Variants in TRIM38 observed in about 807,000 individuals in gnomAD.
The protein encoded by TRIM38 is E3 ubiquitin-protein ligase TRIM38.
Under a neutral mutation model 35.8 loss-of-function variants are expected in TRIM38, and 35 were observed. The observed-to-expected ratio is 0.98, with a 90% CI of 0.75 to 1.30. TRIM38 has a LOEUF of 1.30. Ranked by LOEUF, TRIM38 falls within the 50% of genes most tolerant of loss-of-function variation. TRIM38 has a pLI of 0.00. For missense variants in TRIM38, 545 were observed against 556.9 expected, an observed-to-expected ratio of 0.98 and a Z score of 0.21; for synonymous variants, 198 against 204.7, an observed-to-expected ratio of 0.97 and a Z score of 0.28.
chr6:25,975,082 G>A, intron 7 of TRIM38: 3 of 933,464 alleles, frequency 3.2e-6, no homozygotes, highest in Non-Finnish European at 3.8e-6. Context: ...GCCCAGGCTG[G>A]AGTGCAGTGG....
chr6:25,984,438 G>A lies in TRIM38; in HGVS notation c.*751G>A, dbSNP rs1399369531. Reference sequence around the variant, plus strand: ...GCAGTTCTTATTATGATTCAGAGAAGAGCAAATAGACCTTAACTTCATTTT... The same window carrying A: ...GCAGTTCTTATTATGATTCAGAGAAAAGCAAATAGACCTTAACTTCATTTT... On this transcript the variant is annotated 3_prime_UTR_variant, in exon 8 of 8. Coordinates refer to ENST00000357085, the MANE Select transcript of TRIM38 (RefSeq NM_006355.5). 1 of 152,440 alleles carries A rather than the reference G, an allele frequency of 6.6e-6. No homozygotes were observed. The highest frequency in any genetic ancestry group is 1.9e-4 in the East Asian group (1 of 5,330). The allele number at this position is 152,440 out of a possible 1,614,324, so 9.4% of individuals were successfully genotyped here.
intron 4 of TRIM38, among the ~76,000 whole-genome samples, chr6:25,970,143 C>T (rs1296495079): frequency 6.6e-6 from 1 of 151,980 alleles, no homozygotes; most frequent in South Asian, 2.1e-4. Context: ...GTCTTGATCT[C>T]CTGACCTCGT....
chr6:25,963,926 C>CAACAACAACA (rs550059039), intron 2 of TRIM38, among the ~76,000 whole-genome samples: 1,952 of 152,018 alleles, frequency 0.013, 86 homozygotes, highest in East Asian at 0.039. Context: ...ACAACAACAA[C>CAACAACAACA]AAAAACACAA....
At chr6:25,973,391 T>G in intron 7 of TRIM38, 106 bp downstream of exon 7, 1 of 1,492,084 alleles carries the variant, frequency 6.7e-7, no homozygotes, top group Middle Eastern at 2.5e-4. Context: ...AGAGGTTGTT[T>G]AGTTAATTTC....
rs1760758229 is a variant in TRIM38, at chr6:25,987,972, G to A, written c.*4285G>A. ...ACTCCGGAGGCAGGGACTTTACTCC[G>A]GACCAGATTGAAGACTAGCCGAAAC... On this transcript the variant is annotated 3_prime_UTR_variant, in exon 8 of 8. Transcript: ENST00000357085. The A allele has an allele frequency of 6.6e-6, 1 of 152,104 alleles. No individual in the cohort carries two copies. The highest frequency in any genetic ancestry group is 6.5e-5 in the Admixed American group (1 of 15,270). The allele number at this position is 152,104 out of a possible 1,614,324, so 9.4% of individuals were successfully genotyped here.
Position 25,983,600 on chromosome 6 carries a change from C to T in TRIM38, c.1311C>T (p.Phe437=). ...ATACTGGCTGCCACATCTTTACTTT[C>T]CCGAAGGCTTCCTTCTCTGATACTC... ...NGNTGCHIFT[F]PKASFSDTLR... Residue 437 remains phenylalanine (F), a synonymous_variant, in exon 8 of 8, where the codon TTC becomes TTT. Coordinates refer to ENST00000357085, the MANE Select transcript of TRIM38 (RefSeq NM_006355.5). 1 of 1,614,082 alleles carries T rather than the reference C, an allele frequency of 6.2e-7. No homozygotes were observed. The highest frequency in any genetic ancestry group is 8.5e-7 in the Non-Finnish European group (1 of 1,180,028).
chr6:25,981,482 ACT>A lies in TRIM38; in HGVS notation c.875-1677_875-1676del, dbSNP rs546983181. ...AACTCAGTAGCACAGTGGTTTCTTA[ACT>A]CTCTTGTTAGAACATCCTATTACCA... On this transcript the variant is annotated intron_variant, in intron 7 of 7. Transcript: ENST00000357085. Among the ~76,000 whole-genome samples, 313 of 152,234 alleles carry A rather than the reference ACT, an allele frequency of 2.1e-3. 1 individual carries two copies. The highest frequency in any genetic ancestry group is 7.3e-3 in the African/African-American group (302 of 41,534).
chr6:25,966,948 C>A lies in TRIM38; in HGVS notation c.411+15C>A. ...AGGGCTACAAGGTGAGTGTGTGGGC[C>A]CGGGAGCTTTGGTAAGTACCAAGTC... On this transcript the variant is annotated intron_variant, in intron 3 of 7. Transcript: ENST00000357085. 1.3e-6 allele frequency: 2 copies of A among 1,583,676 alleles called. No homozygotes were observed. Among genetic ancestry groups the A allele is most frequent in the Non-Finnish European group, 1.7e-6 (2 of 1,160,814 alleles).
rs1561906527 is a variant in TRIM38 at position 25,988,487 on chromosome 6, C to CTT, written c.*4803_*4804dup. ...TCTTTTCTTTTTCTTTTTCTTTTTT[C>CTT]TTTTCTTTCTTTTTTTTTTTTTTTT... On this transcript the variant is annotated 3_prime_UTR_variant, in exon 8 of 8. Coordinates refer to ENST00000357085, the MANE Select transcript of TRIM38 (RefSeq NM_006355.5). 6 of 38,930 alleles carry CTT rather than the reference C, an allele frequency of 1.5e-4. No individual in the cohort carries two copies. Among genetic ancestry groups the CTT allele is most frequent in the African/African-American group, 6.5e-4 (5 of 7,732 alleles). 2.4% of individuals were successfully genotyped at this position (38,930 alleles called of 1,614,324 possible). A position where few individuals can be genotyped will look rare whatever the true frequency, so the allele number is the denominator to read the frequency against.
Position 25,988,496 on chromosome 6 carries a change from C to CTTTTTTTCTTTTTTT in TRIM38, c.*4816_*4817insCTTTTTTTTTTTTTT, listed in dbSNP as rs1554143886. 4.8e-5 allele frequency: 3 copies of CTTTTTTTCTTTTTTT among 63,054 alleles called. No homozygotes were observed. Among genetic ancestry groups the CTTTTTTTCTTTTTTT allele is most frequent in the African/African-American group, 2.1e-4 (3 of 14,186 alleles). The allele number at this position is 63,054 out of a possible 1,614,324, so 3.9% of individuals were successfully genotyped here. On this transcript the variant is annotated 3_prime_UTR_variant, in exon 8 of 8. Transcript: ENST00000357085. ...TTTCTTTTTCTTTTTTCTTTTCTTT[C>CTTTTTTTCTTTTTTT]TTTTTTTTTTTTTTTTTGAGACAGA...
At chr6:25,976,881 T>C (rs542452810) in intron 7 of TRIM38, among the ~76,000 whole-genome samples, 1 of 152,316 alleles carries the variant, frequency 6.6e-6, no homozygotes, top group Admixed American at 6.5e-5. Context: ...ATTTTGACAG[T>C]CTTACAGATT....
rs1440544068 is a variant in TRIM38, at chr6:25,971,990, G to A, written c.629G>A (p.Ser210Asn). The change falls in exon 5 of 8, where the codon AGT becomes AAT. Residue 210 changes from serine to asparagine, a missense_variant. Ser to Asn is a conservative substitution (Grantham distance 46, BLOSUM62 1). Coordinates refer to ENST00000357085, the MANE Select transcript of TRIM38 (RefSeq NM_006355.5). ...GAGAAAGAAGAACAACAGACTCTGA[G>A]TAGACTGAGGGACTATGAGGCTGGT... ...RLEKEEQQTL[S>N]RLRDYEAGLG... 6.2e-7 allele frequency: 1 copy of A among 1,614,184 alleles called. No homozygotes were observed. Among genetic ancestry groups the A allele is most frequent in the Non-Finnish European group, 8.5e-7 (1 of 1,180,036 alleles).
chr6:25,970,506 C>T (rs1010092784), intron 4 of TRIM38, among the ~76,000 whole-genome samples: 19 of 152,178 alleles, frequency 1.2e-4, no homozygotes, highest in African/African-American at 4.6e-4. Flanking sequence ...TCTCTAACCT[C>T]TACCCTGATC....
chr6:25,977,492 A>G (rs984835859), intron 7 of TRIM38, among the ~76,000 whole-genome samples: 1 of 152,186 alleles, frequency 6.6e-6, no homozygotes, highest in Non-Finnish European at 1.5e-5. Flanking sequence ...CAGCATTGTG[A>G]AACCCTATCT....
Position 25,984,843 on chromosome 6 carries a change from GA to G in TRIM38, c.*1166del, listed in dbSNP as rs879645307. On this transcript the variant is annotated 3_prime_UTR_variant, in exon 8 of 8. Coordinates refer to ENST00000357085, the MANE Select transcript of TRIM38 (RefSeq NM_006355.5). ...AGCCAAGATCATGCTGTGCCTCAAG[GA>G]AAAAAAAAATTAATGTTTACTGATA... 2.2e-3 allele frequency: 333 copies of G among 149,830 alleles called. 1 individual carries two copies. Among genetic ancestry groups the G allele is most frequent in the African/African-American group, 7.2e-3 (293 of 40,856 alleles). The allele number at this position is 149,830 out of a possible 1,614,324, so 9.3% of individuals were successfully genotyped here.
chr6:25,965,191 G>C (rs1368031512), intron 2 of TRIM38, among the ~76,000 whole-genome samples: 1 of 152,160 alleles, frequency 6.6e-6, no homozygotes, highest in Non-Finnish European at 1.5e-5. Flanking sequence ...CAGCTTTTGT[G>C]AGGAAGCCTG....
chr6:25,967,267 A>G (rs764961957), intron 3 of TRIM38, among the ~76,000 whole-genome samples: 1 of 152,152 alleles, frequency 6.6e-6, no homozygotes, highest in Non-Finnish European at 1.5e-5. Context: ...ATGTAAAGCC[A>G]TGCAGTAGGG....
In TRIM38 at chr6:25,987,192, C is replaced by G. The variant is rs1760731506; in HGVS notation, c.*3505C>G. The G allele has an allele frequency of 8.2e-6, 1 of 121,488 alleles. No individual in the cohort carries two copies. Among genetic ancestry groups the G allele is most frequent in the Non-Finnish European group, 1.7e-5 (1 of 57,726 alleles). The allele number at this position is 121,488 out of a possible 1,614,324, so 7.5% of individuals were successfully genotyped here. A position where few individuals can be genotyped will look rare whatever the true frequency, so the allele number is the denominator to read the frequency against. On this transcript the variant is annotated 3_prime_UTR_variant, in exon 8 of 8. Coordinates refer to ENST00000357085, the MANE Select transcript of TRIM38 (RefSeq NM_006355.5). Reference sequence around the variant, plus strand: ...CAAACTCATTGATATAAAAGCTTAACAAAGGTACTCCCCGCCCCCCGCCCG... The same window carrying G: ...CAAACTCATTGATATAAAAGCTTAAGAAAGGTACTCCCCGCCCCCCGCCCG...
chr6:25,981,466 G>A (rs953296997), intron 7 of TRIM38, among the ~76,000 whole-genome samples: 3 of 152,226 alleles, frequency 2.0e-5, no homozygotes, highest in African/African-American at 7.2e-5. Flanking sequence ...TAACTCAGTA[G>A]CACAGTGGTT....
Sources: allele counts gnomAD v4.1 joint callset (sites outside exome capture counted in the v4.1 genomes callset), GRCh38; gene constraint gnomAD v4.1.1; transcripts MANE v1.5; gene names NCBI Gene and HGNC (gene_info 2026-07-23, HGNC 2026-07-21).